Variants in GPC3 observed in about 807,000 individuals in gnomAD.
GPC3 encodes glypican-3.
A neutral mutation model predicts 34.4 loss-of-function variants in GPC3; 3 were observed. The ratio of observed to expected loss-of-function variants is 0.09; its 90% CI spans 0.04 to 0.23. The LOEUF (loss-of-function observed/expected upper bound fraction) is 0.23, where lower values mean the gene tolerates loss of function less well. Ranked by LOEUF, GPC3 falls within the 10% of genes least tolerant of loss-of-function variation. The pLI is 1.00. For missense variants in GPC3, 351 were observed against 445.6 expected (o/e 0.79, Z 1.91); for synonymous variants, 177 against 174.0 (o/e 1.02, Z -0.13).
At chrX:133,720,343 G>A (rs962488365) in intron 3 of GPC3, among the ~76,000 whole-genome samples, 1 of 112,211 alleles carries the variant, frequency 8.9e-6, no homozygotes, top group East Asian at 2.8e-4. Flanking sequence ...CATGTTGTGG[G>A]AGGGCCCTGG....
At chrX:133,574,354 A>AG (rs764720269) in intron 7 of GPC3, among the ~76,000 whole-genome samples, 1,992 of 110,156 alleles carry the variant, frequency 0.018, 24 homozygotes, top group Middle Eastern at 0.038. Flanking sequence ...ATTGAGAAAA[A>AG]AAGAGAGAGA....
intron 5 of GPC3, among the ~76,000 whole-genome samples, chrX:133,678,432 C>T (rs2070905654): frequency 9.0e-6 from 1 of 111,445 alleles, no homozygotes; most frequent in Non-Finnish European, 1.9e-5. Flanking sequence ...CAGCTCTCCT[C>T]CACCCCTTCA....
chrX:133,978,714 G>A (rs1320226635), intron 1 of GPC3, among the ~76,000 whole-genome samples: 2 of 111,782 alleles, frequency 1.8e-5, no homozygotes, highest in Non-Finnish European at 3.8e-5. Context: ...TTCTAACTCC[G>A]TTCATTCATT....
chrX:133,607,630 G>A lies in GPC3; in HGVS notation c.1414-11031C>T, dbSNP rs144337560. ...TTGACCAGTCTGATATGCCATTGCT[G>A]TTTTCCTGGTATGGTAATAGCTGAT... On this transcript the variant is annotated intron_variant, in intron 6 of 7. Coordinates refer to ENST00000370818, the MANE Select transcript of GPC3 (RefSeq NM_004484.4). 8.3e-4 allele frequency among the ~76,000 whole-genome samples: 93 copies of A among 112,095 alleles called. No homozygotes were observed. The East Asian group carries it at 0.015, about 18-fold the overall frequency.
Position 133,875,232 on chromosome X carries a change from T to C in GPC3, c.337+77818A>G, listed in dbSNP as rs762386528. Reference sequence around the variant, plus strand: ...AACTGGCATCACTGGGTGGCCCACATGATATACACAGAGACGAAAGAGGAG... The same window carrying C: ...AACTGGCATCACTGGGTGGCCCACACGATATACACAGAGACGAAAGAGGAG... On this transcript the variant is annotated intron_variant, in intron 2 of 7. Transcript: ENST00000370818. Among the ~76,000 whole-genome samples, 6 of 112,178 alleles carry C rather than the reference T, an allele frequency of 5.3e-5. 1 individual carries two copies. The South Asian group carries it at 2.2e-3, about 42-fold the overall frequency.
rs199725073 is a variant in GPC3 at position 133,646,083 on chromosome X, CAAAA to C, written c.1413+15643_1413+15646del. Among the ~76,000 whole-genome samples the C allele has an allele frequency of 1.9e-3, 108 of 58,299 alleles. 1 individual carries two copies. Among genetic ancestry groups the C allele is most frequent in the African/African-American group, 4.9e-3 (101 of 20,419 alleles). The allele number at this position is 58,299 out of a possible 115,157, so 50.6% of individuals were successfully genotyped here. A position where few individuals can be genotyped will look rare whatever the true frequency, so the allele number is the denominator to read the frequency against. On this transcript the variant is annotated intron_variant, in intron 6 of 7. Coordinates refer to ENST00000370818, the MANE Select transcript of GPC3 (RefSeq NM_004484.4). Reference sequence around the variant, plus strand: ...CTATAGTACTATAAGAAAACAAAGACAAAAAAAAAAAAAAAAAGATTGTGAGTCC... The same window carrying C: ...CTATAGTACTATAAGAAAACAAAGACAAAAAAAAAAAAAGATTGTGAGTCC...
In GPC3 at chrX:133,849,084, C is replaced by CTT. The variant is rs60339728; in HGVS notation, c.338-94910_338-94909dup. Among the ~76,000 whole-genome samples the CTT allele has an allele frequency of 2.1e-3, 96 of 46,273 alleles. 9 individuals are homozygous for CTT. The highest frequency in any genetic ancestry group is 3.1e-3 in the East Asian group (4 of 1,271). The allele number at this position is 46,273 out of a possible 115,157, so 40.2% of individuals were successfully genotyped here. Reference sequence around the variant, plus strand: ...AGATTACTAAGGAAAACTAAAGTTTCTTTTTTTTTTTTTTTTTTTTTTTTT... The same window carrying CTT: ...AGATTACTAAGGAAAACTAAAGTTTCTTTTTTTTTTTTTTTTTTTTTTTTTTT... On this transcript the variant is annotated intron_variant, in intron 2 of 7. Coordinates refer to ENST00000370818, the MANE Select transcript of GPC3 (RefSeq NM_004484.4).
intron 2 of GPC3, among the ~76,000 whole-genome samples, chrX:133,804,597 A>C (rs1334647998): frequency 9.0e-6 from 1 of 111,308 alleles, no homozygotes; most frequent in Non-Finnish European, 1.9e-5. Flanking sequence ...CTTTAAGTCT[A>C]AATTTCAAGT....
At chrX:133,650,500 C>A (rs775127950) in intron 6 of GPC3, among the ~76,000 whole-genome samples, 1 of 109,388 alleles carries the variant, frequency 9.1e-6, no homozygotes, top group Non-Finnish European at 1.9e-5. Context: ...TATAAAAAAT[C>A]GTCTTCATTT....
intron 3 of GPC3, among the ~76,000 whole-genome samples, chrX:133,722,868 G>A (rs777571394): frequency 1.8e-5 from 2 of 111,530 alleles, no homozygotes; most frequent in Non-Finnish European, 3.8e-5. Context: ...AAAAAATCAG[G>A]TGAATTGAGA....
At chrX:133,617,923 C>T (rs1043685054) in intron 6 of GPC3, among the ~76,000 whole-genome samples, 12 of 111,275 alleles carry the variant, frequency 1.1e-4, no homozygotes, top group African/African-American at 3.3e-4. Context: ...TGTGCCCAGC[C>T]CCTAGTTTTT....
intron 2 of GPC3, among the ~76,000 whole-genome samples, chrX:133,757,781 G>C (rs1439253610): frequency 9.0e-6 from 1 of 111,332 alleles, no homozygotes; most frequent in African/African-American, 3.3e-5. Flanking sequence ...AATAAAAAAT[G>C]GTCCTTGTTT....
intron 2 of GPC3, among the ~76,000 whole-genome samples, chrX:133,907,100 CAAA>C (rs781615101): frequency 2.4e-5 from 2 of 81,753 alleles, no homozygotes; most frequent in Non-Finnish European, 4.9e-5. Flanking sequence ...GACTCCATCT[CAAA>C]AAAAAAAAAA....
intron 5 of GPC3, among the ~76,000 whole-genome samples, chrX:133,683,037 C>T (rs959441891): frequency 3.6e-5 from 4 of 109,808 alleles, no homozygotes; most frequent in Admixed American, 2.9e-4. Flanking sequence ...TATTAATCAC[C>T]TAGTGTATGT....
intron 7 of GPC3, among the ~76,000 whole-genome samples, chrX:133,591,502 T>C (rs1364930012): frequency 2.7e-5 from 3 of 111,812 alleles, no homozygotes; most frequent in Non-Finnish European, 5.6e-5. Flanking sequence ...GTAGGATCAC[T>C]GAATATGTTA....
chrX:133,892,717 G>A (rs1007333421), intron 2 of GPC3, among the ~76,000 whole-genome samples: 9 of 110,186 alleles, frequency 8.2e-5, no homozygotes, highest in East Asian at 2.8e-4. Context: ...GATATACTTC[G>A]GAAGTTCCTG....
intron 3 of GPC3, among the ~76,000 whole-genome samples, chrX:133,711,739 A>G (rs2071270182): frequency 8.9e-6 from 1 of 112,411 alleles, no homozygotes; most frequent in African/African-American, 3.2e-5. Context: ...ATGTAAAGTG[A>G]TATCACTGTT....
At chrX:133,817,124 T>C (rs970302096) in intron 2 of GPC3, among the ~76,000 whole-genome samples, 1 of 111,823 alleles carries the variant, frequency 8.9e-6, no homozygotes, top group Non-Finnish European at 1.9e-5. Flanking sequence ...GCTAGTATAA[T>C]ACCATTATTC....
intron 2 of GPC3, among the ~76,000 whole-genome samples, chrX:133,886,302 A>G (rs1364558601): frequency 1.9e-5 from 2 of 106,833 alleles, no homozygotes; most frequent in Non-Finnish European, 3.9e-5. Flanking sequence ...TGAGCCCAGG[A>G]GTTCAAGACC....
Sources: gnomAD v4.1 joint callset for allele counts (sites outside exome capture counted in the v4.1 genomes callset) on GRCh38, gnomAD v4.1.1 for gene constraint, MANE v1.5 for transcripts, NCBI Gene and HGNC (gene_info 2026-07-23, HGNC 2026-07-21) for gene names.